Variants in KCNN3 observed in about 807,000 individuals in gnomAD.
KCNN3 encodes the protein small conductance calcium-activated potassium channel protein 3.
KCNN3 carries 16 observed loss-of-function variants against 62.9 expected under a neutral mutation model. That is an observed-to-expected ratio of 0.25 (90% CI 0.17 to 0.39). The LOEUF is 0.39. Among genes scored for constraint, KCNN3 ranks in the 10% least tolerant of loss-of-function variants. The pLI is 1.00. For missense variants in KCNN3, 599 were observed against 949.4 expected (o/e 0.63, Z 4.85); for synonymous variants, 370 against 389.2 (o/e 0.95, Z 0.58).
At chr1:154,820,289 G>C (rs985900735) in intron 2 of KCNN3, among the ~76,000 whole-genome samples, 2 of 152,200 alleles carry the variant, frequency 1.3e-5, no homozygotes, top group African/African-American at 4.8e-5. Context: ...AGGGACACCT[G>C]GCTCTACCCA....
intron 1 of KCNN3, among the ~76,000 whole-genome samples, chr1:154,868,620 A>C (rs1459944369): frequency 6.6e-6 from 1 of 151,732 alleles, no homozygotes; most frequent in Non-Finnish European, 1.5e-5. Flanking sequence ...GGCGGAGTGT[A>C]ATTAATTGGT....
In KCNN3 at chr1:154,700,674, G is replaced by C. The variant is rs748248420; in HGVS notation, c.*7302C>G. ...AAAAATTAGCTGGTCGTGGTGGCAC[G>C]CACCTGTAATCCCAGCTACTCGGGA... On this transcript the variant is annotated 3_prime_UTR_variant, in exon 8 of 8. Transcript: ENST00000271915. The C allele has an allele frequency of 1.3e-5, 2 of 152,008 alleles. No homozygotes were observed. The highest frequency in any genetic ancestry group is 2.4e-5 in the African/African-American group (1 of 41,376). The allele number at this position is 152,008 out of a possible 1,614,324, so 9.4% of individuals were successfully genotyped here.
chr1:154,732,928 C>CT (rs1429244637), intron 4 of KCNN3, 75 bp downstream of exon 4: 7 of 1,564,706 alleles, frequency 4.5e-6, no homozygotes, highest in Non-Finnish European at 6.2e-6. Context: ...AGGAAGGCCC[C>CT]TATGTGCTTG....
At chr1:154,719,388 A>G (rs751217748) in intron 5 of KCNN3, among the ~76,000 whole-genome samples, 10 of 152,192 alleles carry the variant, frequency 6.6e-5, no homozygotes, top group Non-Finnish European at 1.3e-4. Context: ...GGGACAGCCT[A>G]CTACACACCT....
intron 3 of KCNN3, among the ~76,000 whole-genome samples, chr1:154,766,116 T>G (rs1219434390): frequency 6.6e-6 from 1 of 151,956 alleles, no homozygotes; most frequent in Admixed American, 6.6e-5. Flanking sequence ...TCTCTCCGCC[T>G]GGCACCAGAA....
chr1:154,864,120 C>T (rs115367243), intron 1 of KCNN3, among the ~76,000 whole-genome samples: 2,491 of 152,282 alleles, frequency 0.016, 69 homozygotes, highest in African/African-American at 0.058. Flanking sequence ...CTAGGGCCCT[C>T]GGCAGTGGGC....
intron 1 of KCNN3, among the ~76,000 whole-genome samples, chr1:154,838,474 G>A (rs1651693468): frequency 6.6e-6 from 1 of 152,234 alleles, no homozygotes; most frequent in Middle Eastern, 3.4e-3. Context: ...TGCCTCTACA[G>A]CCCCATATCT....
At chr1:154,865,756 C>A (rs1652925843) in intron 1 of KCNN3, among the ~76,000 whole-genome samples, 1 of 152,160 alleles carries the variant, frequency 6.6e-6, no homozygotes, top group Non-Finnish European at 1.5e-5. Context: ...AACAGCAAGG[C>A]CACAACCCCA....
rs181398659 is a variant in KCNN3, at chr1:154,830,301, T to C, written c.934-8117A>G. Among the ~76,000 whole-genome samples the C allele has an allele frequency of 1.1e-4, 17 of 152,298 alleles. No individual in the cohort carries two copies. The East Asian group carries it at 3.3e-3, about 29-fold the overall frequency. ...ATCTGAAGCCTGGAGAGGGTCACAT[T>C]CCCACCGTCCCTGGATGAGGAAGAG... On this transcript the variant is annotated intron_variant, in intron 1 of 7. Transcript: ENST00000271915.
rs184664173 is a variant in KCNN3 at position 154,863,346 on chromosome 1, C to A, written c.933+5686G>T. ...GGAAAAGCACAGTCTCAGAATTCCC[C>A]ACCCTCATTATTTAAAGAGGAATAG... On this transcript the variant is annotated intron_variant, in intron 1 of 7. Coordinates refer to ENST00000271915, the MANE Select transcript of KCNN3 (RefSeq NM_002249.6). 5.9e-5 allele frequency among the ~76,000 whole-genome samples: 9 copies of A among 152,346 alleles called. No homozygotes were observed. The East Asian group carries it at 1.7e-3, about 29-fold the overall frequency.
intron 3 of KCNN3, among the ~76,000 whole-genome samples, chr1:154,761,650 AT>A (rs1433280865): frequency 4.6e-5 from 7 of 152,058 alleles, no homozygotes; most frequent in Non-Finnish European, 1.0e-4. Context: ...CAAAAGATTG[AT>A]TTTTAGGCCG....
intron 3 of KCNN3, among the ~76,000 whole-genome samples, chr1:154,739,217 T>A (rs1700776521): frequency 6.6e-6 from 1 of 152,186 alleles, no homozygotes; most frequent in African/African-American, 2.4e-5. Context: ...CTACAGTGTA[T>A]GCACATGTAA....
intron 3 of KCNN3, among the ~76,000 whole-genome samples, chr1:154,761,066 G>A (rs1448385894): frequency 6.6e-6 from 1 of 152,240 alleles, no homozygotes; most frequent in Non-Finnish European, 1.5e-5. Flanking sequence ...GCTTCGTCAA[G>A]TGTGTAAAAA....
chr1:154,859,678 C>T, intron 1 of KCNN3: 1 of 1,613,768 alleles, frequency 6.2e-7, no homozygotes, highest in Non-Finnish European at 8.5e-7. Context: ...ACTGGGTAAC[C>T]TGGGCAGGGC....
chr1:154,728,442 T>A (rs1700517642), intron 4 of KCNN3, among the ~76,000 whole-genome samples: 1 of 152,164 alleles, frequency 6.6e-6, no homozygotes, highest in African/African-American at 2.4e-5. Flanking sequence ...CAGTCACCAG[T>A]AATGACACCT....
At chr1:154,729,405 A>G (rs1557945826) in intron 4 of KCNN3, among the ~76,000 whole-genome samples, 1 of 152,076 alleles carries the variant, frequency 6.6e-6, no homozygotes, top group Non-Finnish European at 1.5e-5. Context: ...GGGAGCACCG[A>G]GTGCATGGAG....
intron 1 of KCNN3, among the ~76,000 whole-genome samples, chr1:154,860,365 C>T (rs908082582): frequency 2.0e-5 from 3 of 152,214 alleles, no homozygotes; most frequent in Non-Finnish European, 4.4e-5. Flanking sequence ...CCCTGACCTT[C>T]CTCCAGGCCT....
chr1:154,711,994 A>AAG (rs767802472), intron 7 of KCNN3, among the ~76,000 whole-genome samples: 61 of 146,076 alleles, frequency 4.2e-4, no homozygotes, highest in Non-Finnish European at 8.2e-4. Context: ...GACGGAGAGG[A>AAG]AGAGAGACAG....
chr1:154,786,489 A>G (rs912795532), intron 2 of KCNN3, among the ~76,000 whole-genome samples: 1 of 152,256 alleles, frequency 6.6e-6, no homozygotes, highest in Non-Finnish European at 1.5e-5. Flanking sequence ...GTGGATCTAT[A>G]TGTATTGACT....
Sources: gnomAD v4.1 joint callset for allele counts (sites outside exome capture counted in the v4.1 genomes callset) on GRCh38, gnomAD v4.1.1 for gene constraint, MANE v1.5 for transcripts, NCBI Gene and HGNC (gene_info 2026-07-23, HGNC 2026-07-21) for gene names.